LLGL2: variants seen among roughly 807,000 people sequenced by gnomAD.
The protein encoded by LLGL2 is LLGL scribble cell polarity complex component 2.
In LLGL2, 81 loss-of-function variants were observed where a neutral mutation model predicts 123.2. The observed-to-expected ratio is 0.66, with a 90% CI of 0.55 to 0.79. The LOEUF (loss-of-function observed/expected upper bound fraction) is 0.79. Ranked by LOEUF, LLGL2 falls within the 30% of genes least tolerant of loss-of-function variation. LLGL2 has a pLI of 0.00. For missense variants in LLGL2, 1,273 were observed against 1,414.6 expected (o/e 0.90, Z 1.61); for synonymous variants, 577 against 594.1 (o/e 0.97, Z 0.42).
intron 6 of LLGL2, chr17:75,562,779 A>G (rs1309201843): frequency 1.8e-6 from 1 of 562,714 alleles, no homozygotes; most frequent in South Asian, 2.1e-5. Flanking sequence ...CATGTTGGCC[A>G]GGCTGCTCTC....
chr17:75,563,593 T>C, intron 8 of LLGL2, 130 bp downstream of exon 8: 1 of 1,492,624 alleles, frequency 6.7e-7, no homozygotes, highest in Non-Finnish European at 9.2e-7. Flanking sequence ...CACAGCAGGG[T>C]TCGCCTCACC....
chr17:75,547,306 T>C (rs1336383441), intron 2 of LLGL2, among the ~76,000 whole-genome samples: 1 of 152,234 alleles, frequency 6.6e-6, no homozygotes, highest in Non-Finnish European at 1.5e-5. Context: ...GAGGGCTATG[T>C]GCCAGGCATC....
In LLGL2 at chr17:75,532,077, C is replaced by CACACACACACACACACT. The variant is rs58220046; in HGVS notation, c.-31+6252_-31+6253insACACACACACACACACT. Among the ~76,000 whole-genome samples the CACACACACACACACACT allele has an allele frequency of 6.4e-3, 536 of 84,070 alleles. 5 individuals are homozygous for CACACACACACACACACT. Among genetic ancestry groups the CACACACACACACACACT allele is most frequent in the Middle Eastern group, 0.023 (3 of 130 alleles). The allele number at this position is 84,070 out of a possible 152,430, so 55.2% of individuals were successfully genotyped here. A position where few individuals can be genotyped will look rare whatever the true frequency, so the allele number is the denominator to read the frequency against. ...ATATACACACACACACACACACACACTTTTTTTTTTTTTTTTTTTTTGAGA... is the reference window on the plus strand; with the variant it reads ...ATATACACACACACACACACACACACACACACACACACACACTTTTTTTTTTTTTTTTTTTTTTGAGA... On this transcript the variant is annotated intron_variant, in intron 1 of 25. Coordinates refer to ENST00000392550, the MANE Select transcript of LLGL2 (RefSeq NM_001031803.2).
rs138529634 is a variant in LLGL2 at position 75,534,701 on chromosome 17, G to A, written c.-30-8696G>A. Among the ~76,000 whole-genome samples the A allele has an allele frequency of 7.9e-3, 1,200 of 152,128 alleles. 28 individuals are homozygous for A. Among genetic ancestry groups the A allele is most frequent in the East Asian group, 0.065 (334 of 5,164 alleles). ...TCCCTAAGTTGCCCAGGCTGGTCTC[G>A]AACTCCTAGGTTCAGTGGATTCTCC... On this transcript the variant is annotated intron_variant, in intron 1 of 25. Coordinates refer to ENST00000392550, the MANE Select transcript of LLGL2 (RefSeq NM_001031803.2).
At position 75,558,698 on chromosome 17, in the gene LLGL2, C is replaced by A; in HGVS notation, c.371+71C>A. ...CCCTTGCCCTTAGCTCTGGAGTGGA[C>A]TCACCCTTTGTGAGGCCTGTTGCGC... On this transcript the variant is annotated intron_variant, in intron 5 of 25. Coordinates refer to ENST00000392550, the MANE Select transcript of LLGL2 (RefSeq NM_001031803.2). This position sits in a 1 kb window ranked among gnomAD's most constrained non-coding sequence, Gnocchi z 4.0. 1 of 1,271,386 alleles carries A rather than the reference C, an allele frequency of 7.9e-7. No individual in the cohort carries two copies. The highest frequency in any genetic ancestry group is 1.1e-6 in the Non-Finnish European group (1 of 896,552). 78.8% of individuals were successfully genotyped at this position (1,271,386 alleles called of 1,614,324 possible).
At position 75,543,479 on chromosome 17, in the gene LLGL2, G is replaced by A. The variant is rs144528048; in HGVS notation, c.53G>A (p.Arg18Gln). The change falls in exon 2 of 26, where the codon CGG (arginine) becomes CAG (glutamine). Residue 18 changes from arginine to glutamine, a missense_variant. Physicochemically the swap from Arg to Gln is conservative, Grantham distance 43. Transcript: ENST00000392550. ...GACCCTGTGCGGGAGAGGCTCAAGC[G>A]GGACCTGTTCCAGTTTAACAAGGTA... The part of the protein sequence containing the change: ...GHDPVRERLK[R>Q]DLFQFNKTVE... The A allele has an allele frequency of 6.0e-5, 97 of 1,612,008 alleles. No homozygotes were observed. The African/African-American group carries it at 8.1e-4, about 14-fold the overall frequency.
rs2054900384 is a variant in LLGL2 at position 75,556,076 on chromosome 17, A to G, written c.106A>G (p.Ser36Gly). The change falls in exon 3 of 26, where the codon AGC becomes GGC. Residue 36 changes from serine (S) to glycine (G), a missense_variant. Ser to Gly is a moderately conservative substitution (Grantham distance 56). Transcript: ENST00000392550. ...TVEHGFPHQPSALGYSPSLRI... is the reference protein window; with the variant it reads ...TVEHGFPHQPGALGYSPSLRI... Reference sequence around the variant, plus strand: ...GGAGCATGGCTTCCCGCACCAGCCCAGCGCCCTCGGCTACAGCCCGTCCCT... The same window carrying G: ...GGAGCATGGCTTCCCGCACCAGCCCGGCGCCCTCGGCTACAGCCCGTCCCT... The G allele has an allele frequency of 1.2e-6, 2 of 1,609,554 alleles. No individual in the cohort carries two copies. The highest frequency in any genetic ancestry group is 1.7e-5 in the Admixed American group (1 of 60,000).
At chr17:75,565,956 T>G (rs967204417) in intron 10 of LLGL2, among the ~76,000 whole-genome samples, 2 of 151,380 alleles carry the variant, frequency 1.3e-5, no homozygotes, top group African/African-American at 4.9e-5. Context: ...GTGGACAGAG[T>G]GAGTAGGTTG....
chr17:75,543,868 A>G (rs1224856026), intron 2 of LLGL2, among the ~76,000 whole-genome samples: 1 of 151,776 alleles, frequency 6.6e-6, no homozygotes, highest in Non-Finnish European at 1.5e-5. Context: ...GAAAGGATGA[A>G]CTCTTCAGGG....
At chr17:75,552,497 T>C (rs1294805474) in intron 2 of LLGL2, among the ~76,000 whole-genome samples, 1 of 152,214 alleles carries the variant, frequency 6.6e-6, no homozygotes, top group Non-Finnish European at 1.5e-5. Flanking sequence ...AAAAAAATTA[T>C]ATATTCCTTT....
intron 16 of LLGL2, 85 bp downstream of exon 16, chr17:75,570,583 C>T: frequency 2.8e-6 from 4 of 1,453,080 alleles, no homozygotes; most frequent in Non-Finnish European, 3.7e-6. Context: ...GGCCCCTGCT[C>T]CCCAGGCTTG....
chr17:75,567,564 G>A lies in LLGL2; in HGVS notation c.1037-912G>A, dbSNP rs1048934765. On this transcript the variant is annotated intron_variant, in intron 10 of 25. Coordinates refer to ENST00000392550, the MANE Select transcript of LLGL2 (RefSeq NM_001031803.2). The stretch of plus-strand genomic sequence containing the variant: ...TGAGGCAGGAGAATCGCTTGAACCC[G>A]GGAGGCGGAGGTTGCAGTGAGCTGA... Among the ~76,000 whole-genome samples, 114 of 152,096 alleles carry A rather than the reference G, an allele frequency of 7.5e-4. 1 individual carries two copies. Among genetic ancestry groups the A allele is most frequent in the African/African-American group, 2.4e-3 (100 of 41,492 alleles).
Position 75,559,101 on chromosome 17 carries a change from C to T in LLGL2, c.372-151C>T. 1 of 852,978 alleles carries T rather than the reference C, an allele frequency of 1.2e-6. No homozygotes were observed. Among genetic ancestry groups the T allele is most frequent in the Non-Finnish European group, 1.7e-6 (1 of 572,804 alleles). The allele number at this position is 852,978 out of a possible 1,614,324, so 52.8% of individuals were successfully genotyped here. A position where few individuals can be genotyped will look rare whatever the true frequency, so the allele number is the denominator to read the frequency against. ...CTCTGCCATCTGTCTCCTGTCTTGG[C>T]AGAAAGTGACCAATGTTTGTCCTGG... On this transcript the variant is annotated intron_variant, in intron 5 of 25. Coordinates refer to ENST00000392550, the MANE Select transcript of LLGL2 (RefSeq NM_001031803.2). The surrounding 1 kb of genome is among the most constrained non-coding windows in gnomAD (Gnocchi z 4.6).
Position 75,574,882 on chromosome 17 carries a change from GC to G in LLGL2, c.*5del. 1 of 1,614,030 alleles carries G rather than the reference GC, an allele frequency of 6.2e-7. No individual in the cohort carries two copies. The highest frequency in any genetic ancestry group is 8.5e-7 in the Non-Finnish European group (1 of 1,179,950). ...TCTGTGTCCTTCAGCAGAGTGAGTGGCTGAGCGTCCAGGCTGCGCGATGAGC... is the reference window on the plus strand; with the variant it reads ...TCTGTGTCCTTCAGCAGAGTGAGTGGTGAGCGTCCAGGCTGCGCGATGAGC... On this transcript the variant is annotated 3_prime_UTR_variant, in exon 26 of 26. Transcript: ENST00000392550.
chr17:75,570,069 G>T lies in LLGL2; in HGVS notation c.1688G>T (p.Arg563Leu). The T allele has an allele frequency of 6.2e-7, 1 of 1,612,320 alleles. No homozygotes were observed. The highest frequency in any genetic ancestry group is 8.5e-7 in the Non-Finnish European group (1 of 1,179,684). ...QEGYRWKGHE[R>L]LAARSGPVRF... ...GGCTACCGCTGGAAGGGGCACGAGCGCCTGGCAGCCCGCTCAGGGCCCGTG... is the reference window on the plus strand; with the variant it reads ...GGCTACCGCTGGAAGGGGCACGAGCTCCTGGCAGCCCGCTCAGGGCCCGTG... The change falls in exon 15 of 26, where the codon CGC (arginine) becomes CTC (leucine). Residue 563 changes from arginine (R) to leucine (L), a missense_variant. By Grantham distance (102) the Arg-to-Leu change is moderately radical (BLOSUM62 -2). Transcript: ENST00000392550.
At chr17:75,560,491 T>G (rs930419324) in intron 6 of LLGL2, among the ~76,000 whole-genome samples, 1 of 152,026 alleles carries the variant, frequency 6.6e-6, no homozygotes, top group South Asian at 2.1e-4. Context: ...ATATTATATT[T>G]TATTTCATTT....
chr17:75,568,184 G>A, intron 10 of LLGL2: 3 of 1,323,020 alleles, frequency 2.3e-6, no homozygotes, highest in Non-Finnish European at 1.9e-6. Flanking sequence ...AGGGTTGGCA[G>A]GCACAGCTGC....
chr17:75,563,259 T>G (rs886569365), intron 7 of LLGL2, 72 bp from the exon 8 acceptor site: 2 of 1,604,888 alleles, frequency 1.2e-6, no homozygotes, highest in African/African-American at 1.3e-5. Context: ...TGCAGAGGCA[T>G]GGGGTGCAGG....
At chr17:75,542,030 G>A (rs1426469239) in intron 1 of LLGL2, among the ~76,000 whole-genome samples, 2 of 151,768 alleles carry the variant, frequency 1.3e-5, no homozygotes, top group South Asian at 4.2e-4. Context: ...TTTACAGTGC[G>A]ATTTTGTAAA....
Sources: gnomAD v4.1 joint callset for allele counts (sites outside exome capture counted in the v4.1 genomes callset) on GRCh38, gnomAD v4.1.1 for gene constraint, Gnocchi (gnomAD v3.1) non-coding constraint, MANE v1.5 for transcripts, NCBI Gene and HGNC (gene_info 2026-07-23, HGNC 2026-07-21) for gene names.